The following ADGRG6 variants were observed in gnomAD, a reference collection of about 807,000 sequenced individuals.
ADGRG6 encodes adhesion G protein-coupled receptor G6.
A neutral mutation model predicts 142.4 loss-of-function variants in ADGRG6; 84 were observed. That is an observed-to-expected ratio of 0.59 (90% CI 0.49 to 0.71). The LOEUF (loss-of-function observed/expected upper bound fraction) is 0.71, where lower values mean the gene tolerates loss of function less well. Among genes scored for constraint, ADGRG6 ranks in the 30% least tolerant of loss-of-function variants. The probability of loss-of-function intolerance (pLI) is 0.00; values close to 1 mark genes in which losing one functional copy is unlikely to be tolerated. For synonymous variants in ADGRG6, 521 were observed against 520.5 expected (o/e 1.00, Z -0.01); for missense variants, 1,367 against 1,466.6 (o/e 0.93, Z 1.11).
chr6:142,351,364 T>C (rs1780166448), intron 2 of ADGRG6, among the ~76,000 whole-genome samples: 1 of 152,018 alleles, frequency 6.6e-6, no homozygotes, highest in Non-Finnish European at 1.5e-5. Flanking sequence ...ACACACAGAC[T>C]AATAGAACAG....
intron 22 of ADGRG6, among the ~76,000 whole-genome samples, chr6:142,434,423 C>T (rs1397727716): frequency 6.6e-6 from 1 of 151,944 alleles, no homozygotes; most frequent in Non-Finnish European, 1.5e-5. Flanking sequence ...CTCCCGAGTT[C>T]AAGCAATTCT....
At chr6:142,359,908 A>G (rs1780635346) in intron 2 of ADGRG6, among the ~76,000 whole-genome samples, 1 of 152,184 alleles carries the variant, frequency 6.6e-6, no homozygotes, top group African/African-American at 2.4e-5. Context: ...CCTTCATACT[A>G]GGATATTGAT....
rs147449987 is a variant in ADGRG6, at chr6:142,350,066, A to T, written c.104-17503A>T. Reference sequence around the variant, plus strand: ...TTGAAAAGCTTACAGACTTGATTGCATAAGCAAGGTAATTTTTAAAAATGA... The same window carrying T: ...TTGAAAAGCTTACAGACTTGATTGCTTAAGCAAGGTAATTTTTAAAAATGA... On this transcript the variant is annotated intron_variant, in intron 2 of 24. Coordinates refer to ENST00000367609, the MANE Select transcript of ADGRG6 (RefSeq NM_198569.3). Among the ~76,000 whole-genome samples, 733 of 152,374 alleles carry T rather than the reference A, an allele frequency of 4.8e-3. 8 individuals carry two copies. The highest frequency in any genetic ancestry group is 0.017 in the African/African-American group (695 of 41,592).
At chr6:142,435,494 G>A (rs6927524) in intron 22 of ADGRG6, among the ~76,000 whole-genome samples, 1 of 151,424 alleles carries the variant, frequency 6.6e-6, no homozygotes, top group African/African-American at 2.4e-5. Flanking sequence ...TGACCGCTCA[G>A]TCCTATTTTT....
chr6:142,322,259 G>T (rs957361050), intron 2 of ADGRG6, among the ~76,000 whole-genome samples: 1 of 152,030 alleles, frequency 6.6e-6, no homozygotes, highest in Non-Finnish European at 1.5e-5. Context: ...TATTAGCCAC[G>T]CATGGTAGCA....
intron 2 of ADGRG6, among the ~76,000 whole-genome samples, chr6:142,335,514 C>T (rs774651111): frequency 2.0e-5 from 3 of 151,990 alleles, no homozygotes; most frequent in African/African-American, 7.3e-5. Context: ...AATGGAAATA[C>T]GTGGAGAGAA....
intron 2 of ADGRG6, among the ~76,000 whole-genome samples, chr6:142,359,914 T>C (rs923576490): frequency 6.6e-6 from 1 of 152,160 alleles, no homozygotes; most frequent in Admixed American, 6.5e-5. Flanking sequence ...TACTAGGATA[T>C]TGATAGATCT....
chr6:142,313,729 GTTAT>G (rs771819445), intron 2 of ADGRG6, among the ~76,000 whole-genome samples: 1 of 152,136 alleles, frequency 6.6e-6, no homozygotes, highest in African/African-American at 2.4e-5. Context: ...AAAATGAACA[GTTAT>G]TTAGTAGTAT....
At chr6:142,320,066 A>C (rs1035746451) in intron 2 of ADGRG6, among the ~76,000 whole-genome samples, 1 of 152,114 alleles carries the variant, frequency 6.6e-6, no homozygotes, top group African/African-American at 2.4e-5. Flanking sequence ...AAATCTAATA[A>C]TAAAAATGAA....
chr6:142,400,261 C>G (rs1775439986), intron 10 of ADGRG6, among the ~76,000 whole-genome samples: 1 of 151,738 alleles, frequency 6.6e-6, no homozygotes, highest in African/African-American at 2.4e-5. Flanking sequence ...AAGGTTTTGT[C>G]CAATGTAATG....
At chr6:142,380,753 T>C (rs767153289) in intron 4 of ADGRG6, among the ~76,000 whole-genome samples, 12 of 152,180 alleles carry the variant, frequency 7.9e-5, no homozygotes, top group Admixed American at 3.3e-4. Context: ...ACATCCTCCT[T>C]TGGGCCACTG....
intron 2 of ADGRG6, among the ~76,000 whole-genome samples, chr6:142,352,955 C>T (rs1780260769): frequency 6.6e-6 from 1 of 152,124 alleles, no homozygotes; most frequent in African/African-American, 2.4e-5. Context: ...ATTCAGATCT[C>T]CTCCCTCTCC....
intron 2 of ADGRG6, among the ~76,000 whole-genome samples, chr6:142,313,107 A>G (rs1179207363): frequency 6.6e-6 from 1 of 151,836 alleles, no homozygotes; most frequent in African/African-American, 2.4e-5. Context: ...ACACCTCTGA[A>G]TTTTTTTGCC....
rs142367257 is a variant in ADGRG6 at position 142,339,639 on chromosome 6, C to T, written c.104-27930C>T. Reference sequence around the variant, plus strand: ...GCTAGGTTCATGCAGTGCTCTGTTACACTTGGCAATGATGAGCAGGCCTTA... The same window carrying T: ...GCTAGGTTCATGCAGTGCTCTGTTATACTTGGCAATGATGAGCAGGCCTTA... On this transcript the variant is annotated intron_variant, in intron 2 of 24. Coordinates refer to ENST00000367609, the MANE Select transcript of ADGRG6 (RefSeq NM_198569.3). 3.9e-5 allele frequency among the ~76,000 whole-genome samples: 6 copies of T among 152,266 alleles called. No individual in the cohort carries two copies. The South Asian group carries it at 8.3e-4, about 21-fold the overall frequency.
At position 142,445,239 on chromosome 6, in the gene ADGRG6, T is replaced by G. The variant is rs1777924402; in HGVS notation, c.*1724T>G. On this transcript the variant is annotated 3_prime_UTR_variant, in exon 25 of 25. Transcript: ENST00000367609. ...TTGGCTTTCACGGGGGAGGGTTGTA[T>G]TCAGTAAAAAAGAATAGTAAATATA... 6.6e-6 allele frequency: 1 copy of G among 152,100 alleles called. No individual in the cohort carries two copies. The highest frequency in any genetic ancestry group is 2.1e-4 in the South Asian group (1 of 4,828). The allele number at this position is 152,100 out of a possible 1,614,324, so 9.4% of individuals were successfully genotyped here.
intron 2 of ADGRG6, among the ~76,000 whole-genome samples, chr6:142,342,624 A>C (rs1779710921): frequency 6.6e-6 from 1 of 152,078 alleles, no homozygotes; most frequent in African/African-American, 2.4e-5. Flanking sequence ...GTAAGCCACG[A>C]GGCTGACAGT....
At chr6:142,303,418 G>T (rs960434419) in intron 1 of ADGRG6, among the ~76,000 whole-genome samples, 1 of 152,152 alleles carries the variant, frequency 6.6e-6, no homozygotes, top group Non-Finnish European at 1.5e-5. Flanking sequence ...AGAAAGAAAG[G>T]ATAGTGCCCA....
chr6:142,360,556 A>G (rs1254815263), intron 2 of ADGRG6, among the ~76,000 whole-genome samples: 1 of 152,164 alleles, frequency 6.6e-6, no homozygotes, highest in East Asian at 1.9e-4. Context: ...CCTACCCTTC[A>G]TTACTGGATG....
chr6:142,440,582 C>T (rs767191425), intron 24 of ADGRG6, among the ~76,000 whole-genome samples: 82 of 152,266 alleles, frequency 5.4e-4, no homozygotes, highest in Admixed American at 3.3e-4. Context: ...AGACGTGAGC[C>T]ACCACACTTA....
Sources: allele counts gnomAD v4.1 joint callset (sites outside exome capture counted in the v4.1 genomes callset), GRCh38; gene constraint gnomAD v4.1.1; transcripts MANE v1.5; gene names NCBI Gene and HGNC (gene_info 2026-07-23, HGNC 2026-07-21).